Variants in PEX14 observed in about 807,000 individuals in gnomAD.
PEX14 encodes peroxisomal biogenesis factor 14.
PEX14 carries 15 observed loss-of-function variants against 49.5 expected under a neutral mutation model. The observed-to-expected ratio is 0.30, with a 90% CI of 0.20 to 0.47. The LOEUF (loss-of-function observed/expected upper bound fraction) is 0.47, where lower values mean the gene tolerates loss of function less well. Ranked by LOEUF, PEX14 falls within the 20% of genes least tolerant of loss-of-function variation. The pLI is 1.00. For synonymous variants in PEX14, 210 were observed against 212.7 expected (o/e 0.99, Z 0.11); for missense variants, 398 against 494.8 (o/e 0.80, Z 1.86).
At chr1:10,477,814 T>C (rs1156374468) in intron 1 of PEX14, among the ~76,000 whole-genome samples, 1 of 152,202 alleles carries the variant, frequency 6.6e-6, no homozygotes, top group Non-Finnish European at 1.5e-5. Flanking sequence ...CTAGACTTAA[T>C]TTCTCCATGT....
At chr1:10,576,456 A>G (rs1404569553) in intron 3 of PEX14, among the ~76,000 whole-genome samples, 1 of 152,184 alleles carries the variant, frequency 6.6e-6, no homozygotes, top group Non-Finnish European at 1.5e-5. Flanking sequence ...GTTTGTCCAT[A>G]AACACTGAAC....
chr1:10,496,261 A>C (rs1182581697), intron 2 of PEX14, among the ~76,000 whole-genome samples: 1 of 152,136 alleles, frequency 6.6e-6, no homozygotes, highest in African/African-American at 2.4e-5. Context: ...CACTGCTGGG[A>C]CTGTTTCAGG....
chr1:10,537,264 C>T (rs1015544433), intron 3 of PEX14, among the ~76,000 whole-genome samples: 1 of 150,524 alleles, frequency 6.6e-6, no homozygotes, highest in African/African-American at 2.5e-5. Context: ...TGCTTCGCGG[C>T]AGCCCCAAGG....
chr1:10,509,268 A>G (rs1641844350), intron 2 of PEX14, among the ~76,000 whole-genome samples: 1 of 151,984 alleles, frequency 6.6e-6, no homozygotes, highest in South Asian at 2.1e-4. Context: ...TCTTAACCTC[A>G]CCTCTCCAGC....
chr1:10,490,560 G>GT (rs1641454195), intron 1 of PEX14, among the ~76,000 whole-genome samples: 1 of 152,098 alleles, frequency 6.6e-6, no homozygotes, highest in African/African-American at 2.4e-5. Context: ...TGCCTGACTT[G>GT]TTTTTTTAAA....
chr1:10,586,084 C>G (rs1640476337), intron 3 of PEX14, among the ~76,000 whole-genome samples: 1 of 152,202 alleles, frequency 6.6e-6, no homozygotes, highest in Non-Finnish European at 1.5e-5. Context: ...CGTTTCAAAA[C>G]TTCTTTCAAA....
At chr1:10,617,399 T>C (rs554105420) in intron 4 of PEX14, among the ~76,000 whole-genome samples, 14 of 152,196 alleles carry the variant, frequency 9.2e-5, no homozygotes, top group African/African-American at 3.4e-4. Flanking sequence ...CCCCCAGTAA[T>C]TCCCATTGCT....
Position 10,570,482 on chromosome 1 carries a change from G to A in PEX14, c.170-28756G>A, listed in dbSNP as rs534620897. On this transcript the variant is annotated intron_variant, in intron 3 of 8. Coordinates refer to ENST00000356607, the MANE Select transcript of PEX14 (RefSeq NM_004565.3). ...TGAGTAGCTGGGACTACAGGTGCAC[G>A]CCAACACGCCCAGCTAATTTTTGTA... is the stretch of plus-strand genomic sequence containing the variant. Among the ~76,000 whole-genome samples, 13 of 152,074 alleles carry A rather than the reference G, an allele frequency of 8.5e-5. No individual in the cohort carries two copies. The East Asian group carries it at 1.4e-3, about 16-fold the overall frequency.
chr1:10,507,559 A>G (rs1305020060), intron 2 of PEX14, among the ~76,000 whole-genome samples: 2 of 152,178 alleles, frequency 1.3e-5, no homozygotes, highest in African/African-American at 4.8e-5. Context: ...AGAGGAGATA[A>G]TAGGATCTTT....
intron 3 of PEX14, among the ~76,000 whole-genome samples, chr1:10,580,845 A>G (rs543497896): frequency 1.6e-3 from 248 of 152,076 alleles, no homozygotes; most frequent in Admixed American, 4.3e-3. Context: ...TGCTGCTTAT[A>G]TATGCCAGGC....
chr1:10,508,082 TC>T (rs1641818175), intron 2 of PEX14, among the ~76,000 whole-genome samples: 1 of 152,076 alleles, frequency 6.6e-6, no homozygotes, highest in East Asian at 1.9e-4. Context: ...TGTCAGCATT[TC>T]CCCCCAACCC....
At chr1:10,575,532 G>A (rs1640095531) in intron 3 of PEX14, among the ~76,000 whole-genome samples, 4 of 152,040 alleles carry the variant, frequency 2.6e-5, no homozygotes, top group African/African-American at 9.7e-5. Context: ...AAATCACATA[G>A]CCCCTGCTTC....
chr1:10,622,917 C>G (rs183970297), intron 5 of PEX14, 102 bp from the exon 6 acceptor site: 1 of 811,656 alleles, frequency 1.2e-6, no homozygotes, highest in East Asian at 2.7e-5. Context: ...GTTTCCAAAA[C>G]CCAGGGATGA....
chr1:10,510,412 T>C (rs1464184352), intron 2 of PEX14, among the ~76,000 whole-genome samples: 2 of 152,362 alleles, frequency 1.3e-5, no homozygotes, highest in Admixed American at 6.5e-5. Flanking sequence ...GGCAAGTCTT[T>C]GTGGGCACCA....
Position 10,523,761 on chromosome 1 carries a change from G to C in PEX14, c.85-12452G>C, listed in dbSNP as rs912763170. On this transcript the variant is annotated intron_variant, in intron 2 of 8. Transcript: ENST00000356607. ...TGTGTTTGCACTCAAGACTATTATCGATATTCTAGGAGAAGCTTTAATCCT... is the reference window on the plus strand; with the variant it reads ...TGTGTTTGCACTCAAGACTATTATCCATATTCTAGGAGAAGCTTTAATCCT... 4.0e-5 allele frequency among the ~76,000 whole-genome samples: 6 copies of C among 148,270 alleles called. No homozygotes were observed. In the Admixed American group the frequency reaches 4.1e-4, roughly 10 times the overall value.
chr1:10,504,852 T>C (rs12073943), intron 2 of PEX14, among the ~76,000 whole-genome samples: 70,843 of 149,430 alleles, frequency 0.47, 16,765 homozygotes, highest in Non-Finnish European at 0.51. Flanking sequence ...AGTGGTGCCA[T>C]CTTGGCTCAC....
chr1:10,622,294 C>T (rs527398901), intron 5 of PEX14, among the ~76,000 whole-genome samples: 9 of 152,300 alleles, frequency 5.9e-5, no homozygotes, highest in Non-Finnish European at 1.2e-4. Flanking sequence ...TCTGGTCCTG[C>T]GCCTTCCTCT....
At chr1:10,607,360 G>A (rs556503527) in intron 4 of PEX14, among the ~76,000 whole-genome samples, 6 of 152,096 alleles carry the variant, frequency 3.9e-5, no homozygotes, top group African/African-American at 1.2e-4. Flanking sequence ...GTGAACATTC[G>A]TATACAAGTC....
intron 2 of PEX14, among the ~76,000 whole-genome samples, chr1:10,496,253 C>T (rs1163379286): frequency 6.6e-6 from 1 of 152,218 alleles, no homozygotes; most frequent in Non-Finnish European, 1.5e-5. Context: ...GATACAAGCA[C>T]TGCTGGGACT....
Sources: allele counts gnomAD v4.1 joint callset (sites outside exome capture counted in the v4.1 genomes callset), GRCh38; gene constraint gnomAD v4.1.1; transcripts MANE v1.5; gene names NCBI Gene and HGNC (gene_info 2026-07-23, HGNC 2026-07-21).